The following TCEA1 variants were observed in gnomAD, a reference collection of about 807,000 sequenced individuals.
The protein encoded by TCEA1 is transcription elongation factor A protein 1.
TCEA1 carries 21 observed loss-of-function variants against 43.8 expected under a neutral mutation model. The ratio of observed to expected loss-of-function variants is 0.48; its 90% confidence interval spans 0.34 to 0.69. The LOEUF is 0.69. Among genes scored for constraint, TCEA1 ranks in the 30% least tolerant of loss-of-function variants. The probability of loss-of-function intolerance (pLI) is 0.01; values close to 1 mark genes in which losing one functional copy is unlikely to be tolerated. For missense variants in TCEA1, 250 were observed against 365.1 expected (o/e 0.68, Z 2.57); for synonymous variants, 104 against 117.5 (o/e 0.88, Z 0.75).
At chr8:54,003,849 A>C (rs988546861) in intron 2 of TCEA1, among the ~76,000 whole-genome samples, 8 of 152,184 alleles carry the variant, frequency 5.3e-5, no homozygotes, top group Non-Finnish European at 4.4e-5. Flanking sequence ...GCAAAAAGAT[A>C]ATTCACAGAA....
Position 54,002,106 on chromosome 8 carries a change from T to C in TCEA1, c.127-2056A>G, listed in dbSNP as rs527368483. Among the ~76,000 whole-genome samples the C allele has an allele frequency of 2.2e-3, 332 of 150,418 alleles. 4 individuals carry two copies. The South Asian group carries it at 0.031, about 14-fold the overall frequency. ...ATCACTTGAACCCAGAAGGCAGAAG[T>C]TGCAGCGAGCCACGATCACACCACT... On this transcript the variant is annotated intron_variant, in intron 2 of 9. Coordinates refer to ENST00000521604, the MANE Select transcript of TCEA1 (RefSeq NM_006756.4).
intron 3 of TCEA1, among the ~76,000 whole-genome samples, chr8:53,998,824 G>A (rs140606330): frequency 8.5e-4 from 130 of 152,280 alleles, no homozygotes; most frequent in Middle Eastern, 3.4e-3. Flanking sequence ...AATGAGAAAG[G>A]AACATTTCTG....
intron 4 of TCEA1, among the ~76,000 whole-genome samples, chr8:53,990,255 A>G (rs1285866520): frequency 6.6e-6 from 1 of 150,904 alleles, no homozygotes; most frequent in African/African-American, 2.4e-5. Context: ...GAAAGGGTCT[A>G]TGTTGTCCAG....
intron 2 of TCEA1, chr8:54,003,096 A>T (rs1804323280): frequency 2.2e-6 from 1 of 456,314 alleles, no homozygotes; most frequent in Non-Finnish European, 4.4e-6. Context: ...ACTAAATCTT[A>T]AGGTAAAAAA....
chr8:54,019,917 A>G (rs567433354), intron 1 of TCEA1, among the ~76,000 whole-genome samples: 2 of 152,304 alleles, frequency 1.3e-5, no homozygotes, highest in East Asian at 1.9e-4. Flanking sequence ...AAAGTTTTGA[A>G]CTACCTGAAA....
At chr8:53,980,506 C>T (rs1228423154) in intron 7 of TCEA1, among the ~76,000 whole-genome samples, 4 of 152,192 alleles carry the variant, frequency 2.6e-5, no homozygotes, top group Admixed American at 2.0e-4. Context: ...CACAATATTC[C>T]AAGCATTTTC....
chr8:54,002,209 C>T (rs886877975), intron 2 of TCEA1, among the ~76,000 whole-genome samples: 1 of 151,780 alleles, frequency 6.6e-6, no homozygotes, highest in Non-Finnish European at 1.5e-5. Flanking sequence ...TGGTGGCTCA[C>T]GCCTGTAATC....
At chr8:54,009,829 C>T (rs1258606423) in intron 2 of TCEA1, 2 of 152,144 alleles carry the variant, frequency 1.3e-5, no homozygotes, top group Non-Finnish European at 2.9e-5. Context: ...TTGAAATGCT[C>T]CCAACACAGA....
chr8:54,014,643 C>G (rs1403313648), intron 1 of TCEA1, among the ~76,000 whole-genome samples: 1 of 152,064 alleles, frequency 6.6e-6, no homozygotes, highest in Non-Finnish European at 1.5e-5. Flanking sequence ...TAATAGAAAA[C>G]AAGTGATTTT....
At chr8:53,994,927 T>C (rs542594146) in intron 3 of TCEA1, among the ~76,000 whole-genome samples, 18 of 150,388 alleles carry the variant, frequency 1.2e-4, no homozygotes, top group Non-Finnish European at 1.2e-4. Context: ...TAAAAATAGG[T>C]TGAGTCAGTG....
chr8:53,981,466 T>C (rs1206952788), intron 7 of TCEA1, among the ~76,000 whole-genome samples: 1 of 152,356 alleles, frequency 6.6e-6, no homozygotes, highest in East Asian at 1.9e-4. Flanking sequence ...TTAAGAATTA[T>C]GCTACCTCTA....
At chr8:54,018,892 G>A (rs1251725982) in intron 1 of TCEA1, among the ~76,000 whole-genome samples, 3 of 152,232 alleles carry the variant, frequency 2.0e-5, no homozygotes, top group African/African-American at 7.2e-5. Context: ...GTCTTCTAGA[G>A]AGACACTGTA....
chr8:54,014,809 T>C (rs1394450055), intron 1 of TCEA1, among the ~76,000 whole-genome samples: 2 of 152,242 alleles, frequency 1.3e-5, no homozygotes, highest in African/African-American at 2.4e-5. Context: ...TTCAAATCCA[T>C]GCTCTGACAT....
chr8:54,003,059 T>C, intron 2 of TCEA1: 1 of 456,170 alleles, frequency 2.2e-6, no homozygotes, highest in Non-Finnish European at 4.4e-6. Context: ...ACTCATGAGT[T>C]TTTGCCAAGA....
intron 6 of TCEA1, among the ~76,000 whole-genome samples, chr8:53,986,280 T>C (rs191540398): frequency 6.6e-6 from 1 of 152,330 alleles, no homozygotes; most frequent in East Asian, 1.9e-4. Context: ...TAGAGGACAA[T>C]GACCCAAAGC....
Position 53,993,772 on chromosome 8 carries a change from C to A in TCEA1, c.233-17G>T, listed in dbSNP as rs190194534. On this transcript the variant is annotated splice_polypyrimidine_tract_variant and intron_variant, in intron 3 of 9. Coordinates refer to ENST00000521604, the MANE Select transcript of TCEA1 (RefSeq NM_006756.4). The stretch of plus-strand genomic sequence containing the variant: ...ATGGCCCATCTGAAAATTATGAAAT[C>A]TCTTAAGTTGCTAGCATTTGTAAAA... The A allele has an allele frequency of 3.7e-3, 5,966 of 1,600,456 alleles. 16 individuals carry two copies. Among genetic ancestry groups the A allele is most frequent in the Non-Finnish European group, 4.4e-3 (5,155 of 1,173,134 alleles).
At chr8:53,989,748 A>ATT (rs1481790805) in intron 4 of TCEA1, among the ~76,000 whole-genome samples, 6 of 151,770 alleles carry the variant, frequency 4.0e-5, no homozygotes, top group African/African-American at 1.5e-4. Flanking sequence ...AAACCCATTT[A>ATT]TTATTTTTTT....
At chr8:53,996,530 T>C (rs1804056681) in intron 3 of TCEA1, among the ~76,000 whole-genome samples, 1 of 152,180 alleles carries the variant, frequency 6.6e-6, no homozygotes, top group Non-Finnish European at 1.5e-5. Flanking sequence ...GTAGTAAATG[T>C]AGAAATCTAG....
At chr8:53,986,344 T>C (rs948129540) in intron 6 of TCEA1, among the ~76,000 whole-genome samples, 1 of 152,230 alleles carries the variant, frequency 6.6e-6, no homozygotes, top group African/African-American at 2.4e-5. Context: ...CATTCCTGTT[T>C]GTCCAGTTTA....
Sources: allele counts gnomAD v4.1 joint callset (sites outside exome capture counted in the v4.1 genomes callset), GRCh38; gene constraint gnomAD v4.1.1; transcripts MANE v1.5; gene names NCBI Gene and HGNC (gene_info 2026-07-23, HGNC 2026-07-21).